The following MFSD2A variants were observed in gnomAD, a reference collection of about 807,000 sequenced individuals.
MFSD2A encodes the protein sodium-dependent lysophosphatidylcholine symporter 1.
In MFSD2A, 27 loss-of-function variants were observed where a neutral mutation model predicts 64.7. The ratio of observed to expected loss-of-function variants is 0.42; its 90% CI spans 0.31 to 0.58. The LOEUF is 0.58. Ranked by LOEUF, MFSD2A falls within the 20% of genes least tolerant of loss-of-function variation. The pLI, the probability that MFSD2A is intolerant of heterozygous loss-of-function variation, is 0.18. For missense variants in MFSD2A, 474 were observed against 679.5 expected, an observed-to-expected ratio of 0.70 and a Z score of 3.36; for synonymous variants, 258 against 273.4, an observed-to-expected ratio of 0.94 and a Z score of 0.55.
rs1367341269 is a variant in MFSD2A, at chr1:39,965,740, C to G, written c.557-117C>G. ...GCGTTCAAACCAAGGTGTCACCTAC[C>G]CCACTACCTCTACCCACCCTGCCTG... On this transcript the variant is annotated intron_variant, in intron 5 of 13. Transcript: ENST00000372811. This position sits in a 1 kb window ranked among gnomAD's most constrained non-coding sequence, Gnocchi z 5.5. The G allele has an allele frequency of 7.3e-7, 1 of 1,370,958 alleles. No homozygotes were observed. The highest frequency in any genetic ancestry group is 1.4e-5 in the African/African-American group (1 of 70,066). 84.9% of individuals were successfully genotyped at this position (1,370,958 alleles called of 1,614,324 possible).
Position 39,963,015 on chromosome 1 carries a change from C to T in MFSD2A, c.354-2196C>T. 6.8e-7 allele frequency: 1 copy of T among 1,476,636 alleles called. No individual in the cohort carries two copies. The highest frequency in any genetic ancestry group is 2.3e-5 in the East Asian group (1 of 43,296). The allele number at this position is 1,476,636 out of a possible 1,614,324, so 91.5% of individuals were successfully genotyped here. ...CACCGCCATCCGTGGGGCCATCATCCTGGCCAAGCTCTCCATTGTCCCCGT... is the reference window on the plus strand; with the variant it reads ...CACCGCCATCCGTGGGGCCATCATCTTGGCCAAGCTCTCCATTGTCCCCGT... On this transcript the variant is annotated intron_variant, in intron 3 of 13. Transcript: ENST00000372811. This position sits in a 1 kb window ranked among gnomAD's most constrained non-coding sequence, Gnocchi z 4.2.
Position 39,965,369 on chromosome 1 carries a change from G to A in MFSD2A, c.477+35G>A, listed in dbSNP as rs376593423. ...GGTACCTCCCTTGGGTGTCTCTAGG[G>A]GCCGGGAGGAGGGCGGTCCTTGGGG... On this transcript the variant is annotated intron_variant, in intron 4 of 13. Transcript: ENST00000372811. The surrounding 1 kb of genome is among the most constrained non-coding windows in gnomAD (Gnocchi z 5.5). The A allele has an allele frequency of 6.2e-7, 1 of 1,613,780 alleles. No homozygotes were observed. Among genetic ancestry groups the A allele is most frequent in the Non-Finnish European group, 8.5e-7 (1 of 1,179,844 alleles).
rs1168039536 is a variant in MFSD2A, at chr1:39,963,903, T to A, written c.354-1308T>A. On this transcript the variant is annotated intron_variant, in intron 3 of 13. Transcript: ENST00000372811. The surrounding 1 kb of genome is among the most constrained non-coding windows in gnomAD (Gnocchi z 4.2). ...GTGTGCGCCACCATGCCTGGTTAAT[T>A]TTTGTATTTTTAGTAGAGACGGAGG... 6.6e-6 allele frequency among the ~76,000 whole-genome samples: 1 copy of A among 152,000 alleles called. No homozygotes were observed. Among genetic ancestry groups the A allele is most frequent in the Non-Finnish European group, 1.5e-5 (1 of 68,016 alleles).
chr1:39,955,229 C>T lies in MFSD2A; in HGVS notation c.-64C>T, dbSNP rs1644898472. 1 of 1,286,390 alleles carries T rather than the reference C, an allele frequency of 7.8e-7. No homozygotes were observed. The highest frequency in any genetic ancestry group is 3.8e-5 in the Admixed American group (1 of 26,446). The allele number at this position is 1,286,390 out of a possible 1,614,324, so 79.7% of individuals were successfully genotyped here. On this transcript the variant is annotated 5_prime_UTR_variant, in exon 1 of 14. Transcript: ENST00000372811. The surrounding 1 kb of genome is among the most constrained non-coding windows in gnomAD (Gnocchi z 5.9). Reference sequence around the variant, plus strand: ...TGCTACGAAGCGAGCTTGGGAGGAGCAGCGGCCTGCGGGGCAGAGGAGCAT... The same window carrying T: ...TGCTACGAAGCGAGCTTGGGAGGAGTAGCGGCCTGCGGGGCAGAGGAGCAT...
chr1:39,956,482 C>T (rs1006643827), intron 1 of MFSD2A, among the ~76,000 whole-genome samples: 1 of 152,120 alleles, frequency 6.6e-6, no homozygotes, highest in Non-Finnish European at 1.5e-5. Flanking sequence ...CAGCTGGTGC[C>T]GGGTGGGGAC....
Position 39,965,448 on chromosome 1 carries a change from C to T in MFSD2A, c.478-23C>T. On this transcript the variant is annotated intron_variant, in intron 4 of 13. Transcript: ENST00000372811. This position sits in a 1 kb window ranked among gnomAD's most constrained non-coding sequence, Gnocchi z 5.5. ...CAGTGTGTCCACCCGCCTGACCAGC[C>T]AATGACCTGTCTTCTATGCCAGTGT... is the stretch of plus-strand genomic sequence containing the variant. 6.2e-7 allele frequency: 1 copy of T among 1,613,938 alleles called. No homozygotes were observed. The highest frequency in any genetic ancestry group is 8.5e-7 in the Non-Finnish European group (1 of 1,179,868).
At position 39,965,034 on chromosome 1, in the gene MFSD2A, C is replaced by A; in HGVS notation, c.354-177C>A. On this transcript the variant is annotated intron_variant, in intron 3 of 13. Transcript: ENST00000372811. This position sits in a 1 kb window ranked among gnomAD's most constrained non-coding sequence, Gnocchi z 5.5. ...CCCAGTTCCCATCTGCCATTCCGGGCTTGGTCATCAGCCTCTTCCCAGAGG... is the reference window on the plus strand; with the variant it reads ...CCCAGTTCCCATCTGCCATTCCGGGATTGGTCATCAGCCTCTTCCCAGAGG... 1 of 784,094 alleles carries A rather than the reference C, an allele frequency of 1.3e-6. No homozygotes were observed. The highest frequency in any genetic ancestry group is 2.0e-6 in the Non-Finnish European group (1 of 504,096). 48.6% of individuals were successfully genotyped at this position (784,094 alleles called of 1,614,324 possible).
At position 39,955,855 on chromosome 1, in the gene MFSD2A, A is replaced by G. The variant is rs370131121; in HGVS notation, c.93+470A>G. Reference sequence around the variant, plus strand: ...AGAACAAGAGCTCTGCTCTTAAAGGAGCCGCGTCCCTCAGGCATTTGTCTG... The same window carrying G: ...AGAACAAGAGCTCTGCTCTTAAAGGGGCCGCGTCCCTCAGGCATTTGTCTG... On this transcript the variant is annotated intron_variant, in intron 1 of 13. Coordinates refer to ENST00000372811, the MANE Select transcript of MFSD2A (RefSeq NM_032793.5). The surrounding 1 kb of genome is among the most constrained non-coding windows in gnomAD (Gnocchi z 5.9). 9 of 272,766 alleles carry G rather than the reference A, an allele frequency of 3.3e-5. No individual in the cohort carries two copies. Among genetic ancestry groups the G allele is most frequent in the South Asian group, 2.6e-4 (9 of 34,330 alleles). 16.9% of individuals were successfully genotyped at this position (272,766 alleles called of 1,614,324 possible).
rs1351568552 is a variant in MFSD2A at position 39,958,186 on chromosome 1, C to T, written c.229-515C>T. Among the ~76,000 whole-genome samples, 14 of 118,704 alleles carry T rather than the reference C, an allele frequency of 1.2e-4. No homozygotes were observed. Among genetic ancestry groups the T allele is most frequent in the Admixed American group, 7.3e-4 (8 of 10,998 alleles). The allele number at this position is 118,704 out of a possible 152,430, so 77.9% of individuals were successfully genotyped here. A position where few individuals can be genotyped will look rare whatever the true frequency, so the allele number is the denominator to read the frequency against. On this transcript the variant is annotated intron_variant, in intron 2 of 13. Transcript: ENST00000372811. This position sits in a 1 kb window ranked among gnomAD's most constrained non-coding sequence, Gnocchi z 4.7. ...ATTTAGGGCCTGGGGGGTTTTGGGG[C>T]GGGGAGGGGGATAACTTGAGTGGGT...
intron 3 of MFSD2A, among the ~76,000 whole-genome samples, chr1:39,961,381 C>T (rs901398225): frequency 7.8e-6 from 1 of 127,646 alleles, no homozygotes; most frequent in African/African-American, 3.0e-5. Context: ...CAGAGTCTCG[C>T]TCTGTCGCCC....
chr1:39,961,230 TA>T (rs1429236441), intron 3 of MFSD2A, among the ~76,000 whole-genome samples: 3 of 149,350 alleles, frequency 2.0e-5, no homozygotes, highest in African/African-American at 5.0e-5. Context: ...GTGAACCCTG[TA>T]GCTCTCTCTC....
At chr1:39,966,572 CCTT>C in intron 6 of MFSD2A, 26 bp from the exon 7 acceptor site, 1 of 1,585,200 alleles carries the variant, frequency 6.3e-7, no homozygotes, top group Non-Finnish European at 8.6e-7. Context: ...AACTGACCAT[CCTT>C]GTATGTCGCC....
Position 39,963,513 on chromosome 1 carries a change from G to A in MFSD2A, c.354-1698G>A, listed in dbSNP as rs1645090538. On this transcript the variant is annotated intron_variant, in intron 3 of 13. Transcript: ENST00000372811. This position sits in a 1 kb window ranked among gnomAD's most constrained non-coding sequence, Gnocchi z 4.2. ...GCTGGACTCAAACTCCTGGGGAAAA[G>A]CAATCCTCTTGCCTCAGTTTCCCAA... The A allele has an allele frequency of 6.8e-6, 3 of 441,956 alleles. No individual in the cohort carries two copies. The highest frequency in any genetic ancestry group is 8.0e-6 in the Non-Finnish European group (2 of 249,368). The allele number at this position is 441,956 out of a possible 1,614,324, so 27.4% of individuals were successfully genotyped here. A position where few individuals can be genotyped will look rare whatever the true frequency, so the allele number is the denominator to read the frequency against.
chr1:39,955,336 T>C lies in MFSD2A; in HGVS notation c.44T>C (p.Leu15Pro). 1 of 1,446,166 alleles carries C rather than the reference T, an allele frequency of 6.9e-7. No homozygotes were observed. The highest frequency in any genetic ancestry group is 9.1e-7 in the Non-Finnish European group (1 of 1,097,246). 89.6% of individuals were successfully genotyped at this position (1,446,166 alleles called of 1,614,324 possible). ...EGAESGSAAGLLPTSILQSTE... is the reference protein window; with the variant it reads ...EGAESGSAAGPLPTSILQSTE... ...GCCGAGAGCGGCTCCGCGGCGGGGCTGCTACCCACCAGCATCCTCCAAAGC... is the reference window on the plus strand; with the variant it reads ...GCCGAGAGCGGCTCCGCGGCGGGGCCGCTACCCACCAGCATCCTCCAAAGC... Residue 15 changes from leucine to proline, a missense_variant, in exon 1 of 14, where the codon CTG becomes CCG. Leu to Pro is a moderately conservative substitution (Grantham distance 98). Transcript: ENST00000372811. This position sits in a 1 kb window ranked among gnomAD's most constrained non-coding sequence, Gnocchi z 5.9.
At chr1:39,967,352 G>A (rs1645186129) in intron 9 of MFSD2A, 183 bp downstream of exon 9, 1 of 648,684 alleles carries the variant, frequency 1.5e-6, no homozygotes. Flanking sequence ...AGAGTTTGAG[G>A]TTAGATGTTT....
At position 39,966,581 on chromosome 1, in the gene MFSD2A, T is replaced by A; in HGVS notation, c.715-20T>A. 1 of 1,596,692 alleles carries A rather than the reference T, an allele frequency of 6.3e-7. No individual in the cohort carries two copies. Among genetic ancestry groups the A allele is most frequent in the Non-Finnish European group, 8.6e-7 (1 of 1,168,792 alleles). ...AGCTCAAACTGACCATCCTTGTATG[T>A]CGCCTTCACCTCCTTATAGCAAAAG... On this transcript the variant is annotated intron_variant, in intron 6 of 13. Transcript: ENST00000372811.
intron 6 of MFSD2A, 60 bp from the exon 7 acceptor site, chr1:39,966,541 T>C: frequency 7.2e-7 from 1 of 1,388,202 alleles, no homozygotes; most frequent in Non-Finnish European, 1.0e-6. Flanking sequence ...CTGCTGGAAC[T>C]GGGGTGCTGG....
rs1317711743 is a variant in MFSD2A at position 39,969,523 on chromosome 1, T to C, written c.1548T>C (p.Ser516=). The C allele has an allele frequency of 6.3e-7, 1 of 1,599,416 alleles. No homozygotes were observed. Among genetic ancestry groups the C allele is most frequent in the Admixed American group, 1.8e-5 (1 of 56,576 alleles). ...LQALRDEASS[S]GCSETDSTEL... ...CTTGCAGGGACGAGGCCAGCAGCTC[T>C]GGCTGCTCAGAAACAGACTCCACAG... Residue 516 remains serine, a synonymous_variant, in exon 14 of 14, where the codon TCT becomes TCC. Transcript: ENST00000372811.
rs1645085726 is a variant in MFSD2A, at chr1:39,963,290, C to G, written c.354-1921C>G. ...CCTTTGATGCCATCTCTAAGACCTA[C>G]AGCTACCTGACCCCCGACCTCTGGA... On this transcript the variant is annotated intron_variant, in intron 3 of 13. Transcript: ENST00000372811. The surrounding 1 kb of genome is among the most constrained non-coding windows in gnomAD (Gnocchi z 4.2). The G allele has an allele frequency of 7.2e-7, 1 of 1,379,752 alleles. No homozygotes were observed. The highest frequency in any genetic ancestry group is 1.7e-5 in the Admixed American group (1 of 57,698). The allele number at this position is 1,379,752 out of a possible 1,614,324, so 85.5% of individuals were successfully genotyped here.
Sources: allele counts gnomAD v4.1 joint callset (sites outside exome capture counted in the v4.1 genomes callset), GRCh38; gene constraint gnomAD v4.1.1; non-coding constraint Gnocchi (gnomAD v3.1); transcripts MANE v1.5; gene names NCBI Gene and HGNC (gene_info 2026-07-23, HGNC 2026-07-21).